The following ATAD3C variants were observed in gnomAD, a reference collection of about 807,000 sequenced individuals.
ATAD3C encodes ATPase family AAA domain containing 3C.
ATAD3C carries 38 observed loss-of-function variants against 46.3 expected under a neutral mutation model. The ratio of observed to expected loss-of-function variants is 0.82; its 90% CI spans 0.63 to 1.08. The LOEUF (loss-of-function observed/expected upper bound fraction) is 1.08. ATAD3C is among the 50% of genes least tolerant of loss of function. The pLI is 0.00. For missense variants in ATAD3C, 563 were observed against 572.7 expected (o/e 0.98, Z 0.17); for synonymous variants, 220 against 236.4 (o/e 0.93, Z 0.63).
intron 3 of ATAD3C, among the ~76,000 whole-genome samples, chr1:1,453,228 G>A (rs905054405): frequency 2.0e-5 from 3 of 152,068 alleles, no homozygotes; most frequent in Non-Finnish European, 4.4e-5. Context: ...TTAGAGACAG[G>A]CTCTCACTCT....
intron 11 of ATAD3C, among the ~76,000 whole-genome samples, chr1:1,466,798 A>G (rs976747195): frequency 6.6e-6 from 1 of 151,784 alleles, no homozygotes; most frequent in African/African-American, 2.4e-5. Flanking sequence ...GACTTTTCCA[A>G]CGATGCTCAT....
Position 1,462,543 on chromosome 1 carries a change from A to C in ATAD3C, c.981-57A>C, listed in dbSNP as rs924898978. On this transcript the variant is annotated intron_variant, in intron 10 of 11. Transcript: ENST00000378785. The surrounding 1 kb of genome is among the most constrained non-coding windows in gnomAD (Gnocchi z 4.5). ...CCTGGCTGCCTGTCTTCCGGCCTCC[A>C]CCTCGTGGTGTGGGAGCTGCTGCCT... 8 of 1,496,950 alleles carry C rather than the reference A, an allele frequency of 5.3e-6. No individual in the cohort carries two copies. Among genetic ancestry groups the C allele is most frequent in the Non-Finnish European group, 7.3e-6 (8 of 1,096,980 alleles). 92.7% of individuals were successfully genotyped at this position (1,496,950 alleles called of 1,614,324 possible).
chr1:1,461,150 C>G (rs1204202775), intron 10 of ATAD3C, among the ~76,000 whole-genome samples: 1 of 151,958 alleles, frequency 6.6e-6, no homozygotes, highest in Non-Finnish European at 1.5e-5. Context: ...GGCGTGTCTT[C>G]TGGTTTGGAG....
chr1:1,457,342 A>C (rs113946614), intron 8 of ATAD3C, among the ~76,000 whole-genome samples, 162 bp downstream of exon 8: 3,765 of 151,876 alleles, frequency 0.025, 109 homozygotes, highest in Admixed American at 0.045. Flanking sequence ...CGCCTGTAAT[A>C]CCAGCACTTT....
intron 9 of ATAD3C, among the ~76,000 whole-genome samples, chr1:1,460,255 CT>C (rs1271789226): frequency 6.6e-6 from 1 of 151,684 alleles, no homozygotes; most frequent in African/African-American, 2.4e-5. Flanking sequence ...TGTATTTTTT[CT>C]TTTTTAGTAG....
chr1:1,461,642 T>TCGGAATTCGA lies in ATAD3C; in HGVS notation c.980+725_980+726insCGGAATTCGA, dbSNP rs1557780472. The stretch of plus-strand genomic sequence containing the variant: ...AGAGTCTCCTCATGAGACCCCCATG[T>TCGGAATTCGA]AGGGACTGGAGGGAGAGGCTCCTCA... On this transcript the variant is annotated intron_variant, in intron 10 of 11. Coordinates refer to ENST00000378785, the MANE Select transcript of ATAD3C (RefSeq NM_001039211.3). Among the ~76,000 whole-genome samples, 28 of 149,964 alleles carry TCGGAATTCGA rather than the reference T, an allele frequency of 1.9e-4. 1 individual carries two copies. Among genetic ancestry groups the TCGGAATTCGA allele is most frequent in the African/African-American group, 5.9e-4 (24 of 40,458 alleles).
chr1:1,462,411 GC>G lies in ATAD3C; in HGVS notation c.981-184del. ...GCGGCCATCTCCAGGCCCCACAGCC[GC>G]CCCCTTCCTGCTCAGCCCAGGCCTG... On this transcript the variant is annotated intron_variant, in intron 10 of 11. Transcript: ENST00000378785. The surrounding 1 kb of genome is among the most constrained non-coding windows in gnomAD (Gnocchi z 4.5). 1.7e-6 allele frequency: 1 copy of G among 574,844 alleles called. No individual in the cohort carries two copies. Among genetic ancestry groups the G allele is most frequent in the South Asian group, 2.0e-5 (1 of 50,838 alleles). 35.6% of individuals were successfully genotyped at this position (574,844 alleles called of 1,614,324 possible).
chr1:1,454,844 C>T (rs1015683749), intron 4 of ATAD3C, among the ~76,000 whole-genome samples: 3 of 151,942 alleles, frequency 2.0e-5, no homozygotes, highest in African/African-American at 4.8e-5. Flanking sequence ...GGAGCCGCGC[C>T]GTTTGCCAGC....
At chr1:1,455,072 C>T (rs1037414220) in intron 4 of ATAD3C, among the ~76,000 whole-genome samples, 1 of 151,528 alleles carries the variant, frequency 6.6e-6, no homozygotes, top group Non-Finnish European at 1.5e-5. Flanking sequence ...AAAAAATTAG[C>T]CGGGCGTGGT....
chr1:1,457,262 A>G (rs937810580), intron 8 of ATAD3C, 82 bp downstream of exon 8: 3 of 1,593,526 alleles, frequency 1.9e-6, no homozygotes, highest in African/African-American at 1.3e-5. Context: ...GCCGCAGCCC[A>G]CTGCTCAATT....
intron 10 of ATAD3C, among the ~76,000 whole-genome samples, chr1:1,461,454 C>T (rs959703999): frequency 1.3e-5 from 2 of 152,016 alleles, no homozygotes; most frequent in African/African-American, 4.8e-5. Context: ...TCCCAAAGTG[C>T]AGGGATTACA....
At chr1:1,460,617 G>A (rs981546407) in intron 9 of ATAD3C, 133 bp from the exon 10 acceptor site, 39 of 1,394,426 alleles carry the variant, frequency 2.8e-5, no homozygotes, top group South Asian at 2.0e-4. Context: ...TTCTCCCCAT[G>A]TTTCCTGTGC....
At chr1:1,456,903 G>A (rs904842518) in intron 7 of ATAD3C, among the ~76,000 whole-genome samples, 1 of 151,952 alleles carries the variant, frequency 6.6e-6, no homozygotes, top group African/African-American at 2.4e-5. Context: ...TGGACTCTAA[G>A]CGGCCACCAG....
chr1:1,463,146 G>A lies in ATAD3C; in HGVS notation c.1089+438G>A, dbSNP rs949358177. 3.3e-5 allele frequency among the ~76,000 whole-genome samples: 5 copies of A among 152,074 alleles called. No individual in the cohort carries two copies. The South Asian group carries it at 6.2e-4, about 19-fold the overall frequency. Reference sequence around the variant, plus strand: ...CCTGCTTGACGGGCCCAGACACATGGGTGGGAGTTGTGGCCTCTGATTGTC... The same window carrying A: ...CCTGCTTGACGGGCCCAGACACATGAGTGGGAGTTGTGGCCTCTGATTGTC... On this transcript the variant is annotated intron_variant, in intron 11 of 11. Coordinates refer to ENST00000378785, the MANE Select transcript of ATAD3C (RefSeq NM_001039211.3).
intron 11 of ATAD3C, among the ~76,000 whole-genome samples, chr1:1,468,131 C>T (rs186869621): frequency 1.3e-5 from 2 of 152,080 alleles, no homozygotes; most frequent in Non-Finnish European, 2.9e-5. Context: ...TGAGGCTCCG[C>T]CTTGGGCTTT....
At chr1:1,461,611 C>T (rs896823530) in intron 10 of ATAD3C, among the ~76,000 whole-genome samples, 3 of 150,650 alleles carry the variant, frequency 2.0e-5, no homozygotes, top group African/African-American at 4.9e-5. Flanking sequence ...TGTCGGAATT[C>T]GAAGGAGAGT....
In ATAD3C at chr1:1,454,161, C is replaced by T. The variant is rs1346973090; in HGVS notation, c.223-184C>T. Among the ~76,000 whole-genome samples the T allele has an allele frequency of 2.0e-5, 3 of 152,080 alleles. No homozygotes were observed. The South Asian group carries it at 6.2e-4, about 32-fold the overall frequency. On this transcript the variant is annotated intron_variant, in intron 3 of 11. Coordinates refer to ENST00000378785, the MANE Select transcript of ATAD3C (RefSeq NM_001039211.3). ...GAGTGAGGGCGCTGTGACTGCCCCACCTGCCTCCTGTAACCGCGTGGCTGT... is the reference window on the plus strand; with the variant it reads ...GAGTGAGGGCGCTGTGACTGCCCCATCTGCCTCCTGTAACCGCGTGGCTGT...
rs1639020601 is a variant in ATAD3C at position 1,459,387 on chromosome 1, G to A, written c.812+156G>A. Among the ~76,000 whole-genome samples the A allele has an allele frequency of 6.6e-6, 1 of 152,008 alleles. No individual in the cohort carries two copies. Among genetic ancestry groups the A allele is most frequent in the Non-Finnish European group, 1.5e-5 (1 of 67,994 alleles). ...TTGGATGTCCCCTGGGAACGGCCCAGCTCAGGACAGCACGGGGTGTCACTG... is the reference window on the plus strand; with the variant it reads ...TTGGATGTCCCCTGGGAACGGCCCAACTCAGGACAGCACGGGGTGTCACTG... On this transcript the variant is annotated intron_variant, in intron 9 of 11. Coordinates refer to ENST00000378785, the MANE Select transcript of ATAD3C (RefSeq NM_001039211.3). The surrounding 1 kb of genome is among the most constrained non-coding windows in gnomAD (Gnocchi z 4.9).
At chr1:1,452,970 C>T (rs1398896389) in intron 3 of ATAD3C, among the ~76,000 whole-genome samples, 2 of 152,030 alleles carry the variant, frequency 1.3e-5, no homozygotes, top group African/African-American at 2.4e-5. Context: ...GCTGTGGTGG[C>T]GCCCCACGTC....
Sources: gnomAD v4.1 joint callset for allele counts (sites outside exome capture counted in the v4.1 genomes callset) on GRCh38, gnomAD v4.1.1 for gene constraint, Gnocchi (gnomAD v3.1) non-coding constraint, MANE v1.5 for transcripts, NCBI Gene and HGNC (gene_info 2026-07-23, HGNC 2026-07-21) for gene names.